The following RPS6KC1 variants were observed in gnomAD, a reference collection of about 807,000 sequenced individuals.
The protein encoded by RPS6KC1 is ribosomal protein S6 kinase C1.
RPS6KC1 carries 54 observed loss-of-function variants against 103.8 expected under a neutral mutation model. The observed-to-expected ratio is 0.52, with a 90% CI of 0.42 to 0.65. The LOEUF is 0.65. Ranked by LOEUF, RPS6KC1 falls within the 30% of genes least tolerant of loss-of-function variation. The pLI, the probability that RPS6KC1 is intolerant of heterozygous loss-of-function variation, is 0.00. For missense variants in RPS6KC1, 1,151 were observed against 1,253.8 expected, an observed-to-expected ratio of 0.92 and a Z score of 1.24; for synonymous variants, 439 against 438.7, an observed-to-expected ratio of 1.00 and a Z score of -0.01.
chr1:213,431,926 G>T, the RPS6KC1 span, among the ~76,000 whole-genome samples: 1 of 152,172 alleles, frequency 6.6e-6, no homozygotes, highest in South Asian at 2.1e-4. Flanking sequence ...CAACAGCAAG[G>T]TATGAGAATT....
chr1:213,624,245 C>G, the RPS6KC1 span, among the ~76,000 whole-genome samples: 1 of 152,210 alleles, frequency 6.6e-6, no homozygotes, highest in Non-Finnish European at 1.5e-5. Flanking sequence ...ATATTAAGCA[C>G]TTGCTGTGTA....
intron 8 of RPS6KC1, among the ~76,000 whole-genome samples, chr1:213,183,896 G>A (rs1222393604): frequency 6.6e-6 from 1 of 152,038 alleles, no homozygotes; most frequent in Non-Finnish European, 1.5e-5. Context: ...AGACAAAAAA[G>A]AGAATACACC....
At chr1:213,562,520 G>A in the RPS6KC1 span, among the ~76,000 whole-genome samples, 1 of 151,538 alleles carries the variant, frequency 6.6e-6, no homozygotes, top group Non-Finnish European at 1.5e-5. Flanking sequence ...CTCCCAAGTA[G>A]CTGGGACTAC....
At chr1:213,606,156 G>T in the RPS6KC1 span, among the ~76,000 whole-genome samples, 1 of 152,198 alleles carries the variant, frequency 6.6e-6, no homozygotes, top group Non-Finnish European at 1.5e-5. Context: ...GCAGAGGACA[G>T]ATCTCACAAA....
chr1:213,324,360 T>C, the RPS6KC1 span, among the ~76,000 whole-genome samples: 1 of 152,210 alleles, frequency 6.6e-6, no homozygotes, highest in Non-Finnish European at 1.5e-5. Flanking sequence ...ATTCTTACCA[T>C]ATCTTATTGC....
chr1:213,733,114 A>G, the RPS6KC1 span, among the ~76,000 whole-genome samples: 3 of 152,228 alleles, frequency 2.0e-5, no homozygotes, highest in African/African-American at 4.8e-5. Flanking sequence ...ATGGGAGTGC[A>G]GATACCTCTT....
intron 8 of RPS6KC1, among the ~76,000 whole-genome samples, chr1:213,184,173 T>C (rs1384163074): frequency 6.6e-6 from 1 of 152,132 alleles, no homozygotes; most frequent in Non-Finnish European, 1.5e-5. Context: ...TACCATACTT[T>C]TAGAGTCAAC....
the RPS6KC1 span, among the ~76,000 whole-genome samples, chr1:213,656,179 A>G: frequency 1.3e-5 from 2 of 152,198 alleles, no homozygotes; most frequent in Non-Finnish European, 2.9e-5. Flanking sequence ...AACACAAAGC[A>G]GGTCACAGAA....
At chr1:213,514,277 C>G in the RPS6KC1 span, among the ~76,000 whole-genome samples, 1 of 151,958 alleles carries the variant, frequency 6.6e-6, no homozygotes, top group Non-Finnish European at 1.5e-5. Flanking sequence ...ATGTGCACAA[C>G]GTGCAGGTTT....
At chr1:213,153,745 T>C (rs1381197241) in intron 6 of RPS6KC1, among the ~76,000 whole-genome samples, 1 of 152,228 alleles carries the variant, frequency 6.6e-6, no homozygotes, top group Non-Finnish European at 1.5e-5. Flanking sequence ...CCTTTAGCAC[T>C]TCTTGTAGGA....
chr1:213,625,381 A>C, the RPS6KC1 span, among the ~76,000 whole-genome samples: 1 of 152,074 alleles, frequency 6.6e-6, no homozygotes, highest in Non-Finnish European at 1.5e-5. Context: ...GCAGTATGGA[A>C]AGATTTGAAA....
chr1:213,410,518 G>T, the RPS6KC1 span, among the ~76,000 whole-genome samples: 1 of 152,172 alleles, frequency 6.6e-6, no homozygotes, highest in African/African-American at 2.4e-5. Context: ...ATCAAGAAAG[G>T]TTGTTGAAGA....
the RPS6KC1 span, among the ~76,000 whole-genome samples, chr1:213,730,819 T>C: frequency 6.6e-6 from 1 of 152,262 alleles, no homozygotes. Context: ...GCAATTGCTT[T>C]TGGCATCTTT....
chr1:213,117,161 A>G (rs2083747885), intron 4 of RPS6KC1, among the ~76,000 whole-genome samples, 156 bp from the exon 5 acceptor site: 1 of 151,940 alleles, frequency 6.6e-6, no homozygotes, highest in Non-Finnish European at 1.5e-5. Context: ...AGATATACCT[A>G]TTGTTTTTTT....
chr1:213,177,410 A>G (rs2091944139), intron 8 of RPS6KC1, among the ~76,000 whole-genome samples: 1 of 152,198 alleles, frequency 6.6e-6, no homozygotes, highest in Non-Finnish European at 1.5e-5. Flanking sequence ...CTTACTATAC[A>G]TTATTTGTGA....
chr1:213,436,656 T>C, the RPS6KC1 span, among the ~76,000 whole-genome samples: 1 of 152,210 alleles, frequency 6.6e-6, no homozygotes, highest in African/African-American at 2.4e-5. Context: ...TATTCCTTTA[T>C]TTGTTTAGAC....
the RPS6KC1 span, among the ~76,000 whole-genome samples, chr1:213,396,322 G>A: frequency 2.0e-5 from 3 of 152,284 alleles, no homozygotes; most frequent in African/African-American, 4.8e-5. Flanking sequence ...AGTCAGTGAG[G>A]GCTCCGTGAA....
At chr1:213,666,238 T>G in the RPS6KC1 span, among the ~76,000 whole-genome samples, 1 of 152,136 alleles carries the variant, frequency 6.6e-6, no homozygotes, top group Non-Finnish European at 1.5e-5. Context: ...CCCTCAGAAG[T>G]AAATATTTTA....
the RPS6KC1 span, among the ~76,000 whole-genome samples, chr1:213,530,526 AAT>A: frequency 2.4e-5 from 2 of 84,216 alleles, no homozygotes; most frequent in East Asian, 7.5e-3. Flanking sequence ...CAGCTAACCA[AAT>A]AGAGTAGTTC....
Sources: allele counts gnomAD v4.1 joint callset (sites outside exome capture counted in the v4.1 genomes callset), GRCh38; gene constraint gnomAD v4.1.1; transcripts MANE v1.5; gene names NCBI Gene and HGNC (gene_info 2026-07-23, HGNC 2026-07-21).